The following PTPN21 variants were observed in gnomAD, a reference collection of about 807,000 sequenced individuals.
PTPN21 encodes protein tyrosine phosphatase non-receptor type 21.
PTPN21 carries 77 observed loss-of-function variants against 131.8 expected under a neutral mutation model. The ratio of observed to expected loss-of-function variants is 0.58; its 90% CI spans 0.49 to 0.71. The LOEUF is 0.71. PTPN21 is among the 30% of genes least tolerant of loss of function. The probability of loss-of-function intolerance (pLI) is 0.00; values close to 1 mark genes in which losing one functional copy is unlikely to be tolerated. For missense variants in PTPN21, 1,552 were observed against 1,527.1 expected (o/e 1.02, Z -0.27); for synonymous variants, 715 against 621.3 (o/e 1.15, Z -2.24).
At chr14:88,491,377 C>A (rs1239066068) in intron 10 of PTPN21, among the ~76,000 whole-genome samples, 5 of 152,144 alleles carry the variant, frequency 3.3e-5, no homozygotes, top group Admixed American at 3.3e-4. Context: ...CCTTTCTGTG[C>A]AAGTCGAGTC....
At chr14:88,539,212 T>A (rs79785063) in intron 2 of PTPN21, among the ~76,000 whole-genome samples, 1 of 151,336 alleles carries the variant, frequency 6.6e-6, no homozygotes. Context: ...GCTTCCCGAG[T>A]AGCTGAGATT....
In PTPN21 at chr14:88,478,882, C is replaced by A. The variant is rs766199865; in HGVS notation, c.2511+38G>T. 8 of 1,367,590 alleles carry A rather than the reference C, an allele frequency of 5.8e-6. No individual in the cohort carries two copies. In the South Asian group the frequency reaches 7.1e-5, roughly 12 times the overall value. The allele number at this position is 1,367,590 out of a possible 1,614,324, so 84.7% of individuals were successfully genotyped here. A position where few individuals can be genotyped will look rare whatever the true frequency, so the allele number is the denominator to read the frequency against. On this transcript the variant is annotated intron_variant, in intron 13 of 18. Coordinates refer to ENST00000556564, the MANE Select transcript of PTPN21 (RefSeq NM_007039.4). The stretch of plus-strand genomic sequence containing the variant: ...TGAAAGAAGCGCCAGGGCGAACGCG[C>A]GGTCCCCTGGCCCGGCACTGCTCGC...
intron 13 of PTPN21, among the ~76,000 whole-genome samples, chr14:88,475,567 T>A (rs1375463419): frequency 4.6e-5 from 7 of 152,108 alleles, no homozygotes. Context: ...ACTAAACACT[T>A]CCTGCTTAGG....
chr14:88,469,790 A>T lies in PTPN21; in HGVS notation c.3001-57T>A. 6.3e-7 allele frequency: 1 copy of T among 1,598,452 alleles called. No individual in the cohort carries two copies. The highest frequency in any genetic ancestry group is 8.6e-7 in the Non-Finnish European group (1 of 1,165,868). ...AGATCCGGCAATGGATGCCTTTCTC[A>T]CATAGACGGCACATCTGAAACAGAA... On this transcript the variant is annotated intron_variant, in intron 16 of 18. Transcript: ENST00000556564. This position sits in a 1 kb window ranked among gnomAD's most constrained non-coding sequence, Gnocchi z 4.3.
chr14:88,485,025 T>C, intron 12 of PTPN21, 51 bp downstream of exon 12: 1 of 1,450,986 alleles, frequency 6.9e-7, no homozygotes, highest in East Asian at 2.3e-5. Context: ...CATTCACAGA[T>C]TTATCCATAG....
chr14:88,531,696 C>T (rs1192896750), intron 2 of PTPN21, among the ~76,000 whole-genome samples: 3 of 152,050 alleles, frequency 2.0e-5, no homozygotes, highest in Non-Finnish European at 4.4e-5. Context: ...ACAATCTATG[C>T]TCACAACTCA....
Position 88,549,454 on chromosome 14 carries a change from G to A in PTPN21, c.180+784C>T, listed in dbSNP as rs191291503. ...TAGTTCTTATAGGGCACCCCAAGGG[G>A]AGACTTCTTAATCTAATCTATTCCT... On this transcript the variant is annotated intron_variant, in intron 2 of 18. Coordinates refer to ENST00000556564, the MANE Select transcript of PTPN21 (RefSeq NM_007039.4). Among the ~76,000 whole-genome samples, 64 of 152,270 alleles carry A rather than the reference G, an allele frequency of 4.2e-4. No individual in the cohort carries two copies. In the East Asian group the frequency reaches 9.5e-3, roughly 23 times the overall value.
At chr14:88,482,613 CAAAAGAAAAG>C (rs147441767) in intron 12 of PTPN21, among the ~76,000 whole-genome samples, 1,911 of 150,976 alleles carry the variant, frequency 0.013, 53 homozygotes, top group African/African-American at 0.038. Flanking sequence ...AACTCCATCT[CAAAAGAAAAG>C]AAAAGAAAAG....
chr14:88,467,865 A>G lies in PTPN21; in HGVS notation c.*272T>C, dbSNP rs921347589. 1.2e-5 allele frequency: 5 copies of G among 419,098 alleles called. No individual in the cohort carries two copies. The highest frequency in any genetic ancestry group is 6.6e-4 in the Middle Eastern group (1 of 1,506). The allele number at this position is 419,098 out of a possible 1,614,324, so 26.0% of individuals were successfully genotyped here. On this transcript the variant is annotated 3_prime_UTR_variant, in exon 19 of 19. Coordinates refer to ENST00000556564, the MANE Select transcript of PTPN21 (RefSeq NM_007039.4). ...TTGTCTAGAAAATACAATCTCCAAA[A>G]TGTGTGCAAGTACTGCAAACCGGAC...
intron 3 of PTPN21, among the ~76,000 whole-genome samples, chr14:88,514,814 A>C (rs1725190508): frequency 6.6e-6 from 1 of 152,016 alleles, no homozygotes; most frequent in Admixed American, 6.6e-5. Context: ...TTTAGAACAC[A>C]ATTTTTGAGG....
Position 88,468,004 on chromosome 14 carries a change from A to G in PTPN21, c.*133T>C. On this transcript the variant is annotated 3_prime_UTR_variant, in exon 19 of 19. Transcript: ENST00000556564. ...CGTTTCCTTCAGCGTGCCGCCATTC[A>G]GACTGCGCCACTTACGTCCCAGTGC... 8.6e-7 allele frequency: 1 copy of G among 1,160,758 alleles called. No homozygotes were observed. Among genetic ancestry groups the G allele is most frequent in the Non-Finnish European group, 1.3e-6 (1 of 792,990 alleles). 71.9% of individuals were successfully genotyped at this position (1,160,758 alleles called of 1,614,324 possible).
intron 10 of PTPN21, among the ~76,000 whole-genome samples, chr14:88,488,780 C>T (rs908597789): frequency 6.6e-6 from 1 of 151,992 alleles, no homozygotes; most frequent in Admixed American, 6.6e-5. Flanking sequence ...ATCCCATCTG[C>T]GAATTCCCAC....
At chr14:88,476,220 T>C (rs932974968) in intron 13 of PTPN21, among the ~76,000 whole-genome samples, 6 of 152,190 alleles carry the variant, frequency 3.9e-5, no homozygotes, top group Non-Finnish European at 4.4e-5. Flanking sequence ...ATTAAGATAA[T>C]GGCAACCCCA....
At chr14:88,541,987 C>G (rs2078713072) in intron 2 of PTPN21, among the ~76,000 whole-genome samples, 1 of 152,118 alleles carries the variant, frequency 6.6e-6, no homozygotes, top group Non-Finnish European at 1.5e-5. Context: ...TGGCTATGAA[C>G]CACCTGAAAT....
chr14:88,492,841 A>G (rs981942170), intron 10 of PTPN21: 3 of 277,474 alleles, frequency 1.1e-5, no homozygotes, highest in African/African-American at 6.8e-5. Context: ...TCCGGCTCCC[A>G]TTGTTCACTA....
chr14:88,468,712 C>T (rs1475887845), intron 18 of PTPN21, among the ~76,000 whole-genome samples: 1 of 152,132 alleles, frequency 6.6e-6, no homozygotes, highest in Non-Finnish European at 1.5e-5. Context: ...CTTTATTTAT[C>T]GTATGACTTC....
chr14:88,548,157 TC>T (rs1473027632), intron 2 of PTPN21, among the ~76,000 whole-genome samples: 2 of 152,078 alleles, frequency 1.3e-5, no homozygotes, highest in Non-Finnish European at 2.9e-5. Flanking sequence ...CCTATCCAAC[TC>T]CAGGTGGCTA....
In PTPN21 at chr14:88,471,013, ATCAT is replaced by A. The variant is rs199866023; in HGVS notation, c.2872-967_2872-964del. Among the ~76,000 whole-genome samples, 58 of 152,330 alleles carry A rather than the reference ATCAT, an allele frequency of 3.8e-4. No individual in the cohort carries two copies. The East Asian group carries it at 0.01, about 27-fold the overall frequency. On this transcript the variant is annotated intron_variant, in intron 15 of 18. Transcript: ENST00000556564. ...TGAAATATCACTACAGAACTACAGTATCATTCATTCTTATCCATCTAGTCATGAG... is the reference window on the plus strand; with the variant it reads ...TGAAATATCACTACAGAACTACAGTATCATTCTTATCCATCTAGTCATGAG...
At chr14:88,551,584 T>C (rs890657712) in intron 1 of PTPN21, 2 of 152,330 alleles carry the variant, frequency 1.3e-5, no homozygotes, top group African/African-American at 2.4e-5. Flanking sequence ...AGGGAACATT[T>C]AAAGGGACCA....
Sources: allele counts gnomAD v4.1 joint callset (sites outside exome capture counted in the v4.1 genomes callset), GRCh38; gene constraint gnomAD v4.1.1; non-coding constraint Gnocchi (gnomAD v3.1); transcripts MANE v1.5; gene names NCBI Gene and HGNC (gene_info 2026-07-23, HGNC 2026-07-21).